The following SKI variants were observed in gnomAD, a reference collection of about 807,000 sequenced individuals.
SKI encodes ski oncogene.
A neutral mutation model predicts 59.3 loss-of-function variants in SKI; 23 were observed. The observed-to-expected ratio is 0.39, with a 90% CI of 0.28 to 0.55. The LOEUF (loss-of-function observed/expected upper bound fraction) is 0.55, where lower values mean the gene tolerates loss of function less well. Ranked by LOEUF, SKI falls within the 20% of genes least tolerant of loss-of-function variation. The pLI is 0.67. For missense variants in SKI, 1,017 were observed against 1,038.9 expected (o/e 0.98, Z 0.29); for synonymous variants, 673 against 488.6 (o/e 1.38, Z -4.98).
intron 1 of SKI, among the ~76,000 whole-genome samples, chr1:2,279,401 T>C (rs1639821381): frequency 6.6e-6 from 1 of 152,192 alleles, no homozygotes; most frequent in South Asian, 2.1e-4. Context: ...GGCCCTGCTC[T>C]CCAAGTCTTG....
intron 1 of SKI, among the ~76,000 whole-genome samples, chr1:2,248,858 A>G (rs149396760): frequency 0.013 from 2,002 of 152,154 alleles, 36 homozygotes; most frequent in African/African-American, 0.046. Context: ...CTACCTTCCT[A>G]CTCTGAGTGT....
chr1:2,267,608 C>T lies in SKI; in HGVS notation c.970-35370C>T, dbSNP rs1459691956. On this transcript the variant is annotated intron_variant, in intron 1 of 6. Coordinates refer to ENST00000378536, the MANE Select transcript of SKI (RefSeq NM_003036.4). The surrounding 1 kb of genome is among the most constrained non-coding windows in gnomAD (Gnocchi z 4.1). The stretch of plus-strand genomic sequence containing the variant: ...GGGGCCACGTGGTCAGCACTGCACT[C>T]TGCTCTCATCGGAAGCTGGGCAGTG... Among the ~76,000 whole-genome samples the T allele has an allele frequency of 3.3e-5, 5 of 152,176 alleles. No individual in the cohort carries two copies. Among genetic ancestry groups the T allele is most frequent in the African/African-American group, 1.2e-4 (5 of 41,438 alleles).
intron 1 of SKI, chr1:2,240,745 C>T: frequency 1.0e-6 from 1 of 985,408 alleles, no homozygotes; most frequent in Non-Finnish European, 1.2e-6. Flanking sequence ...ACGGACTTCA[C>T]CCTTGGTGGG....
chr1:2,295,052 G>C (rs1640251786), intron 1 of SKI, among the ~76,000 whole-genome samples: 1 of 152,360 alleles, frequency 6.6e-6, no homozygotes, highest in East Asian at 1.9e-4. Context: ...GTTCTTGATG[G>C]GCTTTAGAAG....
At chr1:2,258,420 G>A (rs114916267) in intron 1 of SKI, among the ~76,000 whole-genome samples, 3 of 152,146 alleles carry the variant, frequency 2.0e-5, no homozygotes, top group African/African-American at 2.4e-5. Context: ...CAGCAGAGGC[G>A]TTTGAGAATT....
chr1:2,254,403 G>A (rs995455694), intron 1 of SKI, among the ~76,000 whole-genome samples: 13 of 152,198 alleles, frequency 8.5e-5, no homozygotes, highest in Admixed American at 3.3e-4. Context: ...ACATGTCCCC[G>A]TCCCAAACAG....
Position 2,229,207 on chromosome 1 carries a change from C to A in SKI, c.441C>A (p.His147Gln). 2 of 1,610,052 alleles carry A rather than the reference C, an allele frequency of 1.2e-6. No homozygotes were observed. The highest frequency in any genetic ancestry group is 1.7e-6 in the Non-Finnish European group (2 of 1,178,736). ...TCAACGCGGTGTGCGACGAGCTCCACATCTACTGCTCGCGCTGCACGGCCG... is the reference window on the plus strand; with the variant it reads ...TCAACGCGGTGTGCGACGAGCTCCAAATCTACTGCTCGCGCTGCACGGCCG... ...QQINAVCDEL[H>Q]IYCSRCTADQ... is the part of the protein sequence containing the mutation. The change falls in exon 1 of 7, where the codon CAC becomes CAA. Residue 147 changes from histidine to glutamine, a missense_variant. Physicochemically the swap from His to Gln is conservative, Grantham distance 24. Coordinates refer to ENST00000378536, the MANE Select transcript of SKI (RefSeq NM_003036.4). This position sits in a 1 kb window ranked among gnomAD's most constrained non-coding sequence, Gnocchi z 6.3.
intron 1 of SKI, among the ~76,000 whole-genome samples, chr1:2,294,904 C>T (rs907511011): frequency 7.2e-5 from 11 of 152,214 alleles, no homozygotes; most frequent in Admixed American, 2.6e-4. Flanking sequence ...TTGGAGGCCA[C>T]GCCCACCCAG....
rs554981804 is a variant in SKI, at chr1:2,239,531, G to A, written c.969+9796G>A. ...GTAGCCGTTGGCGGCACCTTTGTACGGGGACACACCCTGGACCTGAATGGA... is the reference window on the plus strand; with the variant it reads ...GTAGCCGTTGGCGGCACCTTTGTACAGGGACACACCCTGGACCTGAATGGA... On this transcript the variant is annotated intron_variant, in intron 1 of 6. Coordinates refer to ENST00000378536, the MANE Select transcript of SKI (RefSeq NM_003036.4). 1.3e-3 allele frequency among the ~76,000 whole-genome samples: 193 copies of A among 152,318 alleles called. 2 individuals carry two copies. The highest frequency in any genetic ancestry group is 4.5e-3 in the African/African-American group (189 of 41,564).
rs1639593935 is a variant in SKI at position 2,270,547 on chromosome 1, G to A, written c.970-32431G>A. Among the ~76,000 whole-genome samples, 1 of 152,222 alleles carries A rather than the reference G, an allele frequency of 6.6e-6. No individual in the cohort carries two copies. Among genetic ancestry groups the A allele is most frequent in the South Asian group, 2.1e-4 (1 of 4,836 alleles). On this transcript the variant is annotated intron_variant, in intron 1 of 6. Coordinates refer to ENST00000378536, the MANE Select transcript of SKI (RefSeq NM_003036.4). This position sits in a 1 kb window ranked among gnomAD's most constrained non-coding sequence, Gnocchi z 4.1. Reference sequence around the variant, plus strand: ...GATTGTAAAACGGGCAGTGTGCAGTGTTGAGGGGGCGCTGGGGAAACAAGC... The same window carrying A: ...GATTGTAAAACGGGCAGTGTGCAGTATTGAGGGGGCGCTGGGGAAACAAGC...
intron 1 of SKI, among the ~76,000 whole-genome samples, chr1:2,259,386 T>C (rs1240996787): frequency 1.3e-5 from 2 of 152,206 alleles, no homozygotes; most frequent in African/African-American, 2.4e-5. Flanking sequence ...CTCTTTAGGA[T>C]GGAAAAGGGC....
intron 1 of SKI, among the ~76,000 whole-genome samples, chr1:2,271,062 T>C (rs938965509): frequency 2.6e-5 from 4 of 152,132 alleles, no homozygotes; most frequent in Admixed American, 6.5e-5. Flanking sequence ...CTGTGGGGGT[T>C]GGAGGGATGC....
intron 1 of SKI, among the ~76,000 whole-genome samples, chr1:2,295,394 G>A (rs774610251): frequency 6.6e-5 from 10 of 152,214 alleles, no homozygotes; most frequent in Non-Finnish European, 1.2e-4. Context: ...AATTAAGACT[G>A]TATTCAGATA....
chr1:2,303,639 T>C lies in SKI; in HGVS notation c.1212-201T>C, dbSNP rs1274344062. The C allele has an allele frequency of 1.3e-6, 1 of 751,032 alleles. No individual in the cohort carries two copies. Among genetic ancestry groups the C allele is most frequent in the Non-Finnish European group, 2.2e-6 (1 of 461,810 alleles). The allele number at this position is 751,032 out of a possible 1,614,324, so 46.5% of individuals were successfully genotyped here. ...CTGCTGGGCGCAGCTTCTTGATGTG[T>C]TGGCCTGTGTCTGGCCTTCGCAAGA... On this transcript the variant is annotated intron_variant, in intron 3 of 6. Transcript: ENST00000378536. The surrounding 1 kb of genome is among the most constrained non-coding windows in gnomAD (Gnocchi z 5.6).
chr1:2,290,918 CTTTCTGCAGCG>C (rs1407608123), intron 1 of SKI, among the ~76,000 whole-genome samples: 1 of 152,264 alleles, frequency 6.6e-6, no homozygotes, highest in Non-Finnish European at 1.5e-5. Context: ...GCATTTTTCT[CTTTCTGCAGCG>C]TTTCCTCTCA....
chr1:2,297,953 G>A (rs1358332202), intron 1 of SKI, among the ~76,000 whole-genome samples: 1 of 152,236 alleles, frequency 6.6e-6, no homozygotes, highest in Non-Finnish European at 1.5e-5. Flanking sequence ...GGGCTGTGCT[G>A]TGTGGCAGGC....
At chr1:2,273,164 G>A (rs988282236) in intron 1 of SKI, among the ~76,000 whole-genome samples, 1 of 152,316 alleles carries the variant, frequency 6.6e-6, no homozygotes, top group East Asian at 1.9e-4. Context: ...GACCCACCTG[G>A]GGGTGTCTGG....
rs752582045 is a variant in SKI, at chr1:2,267,764, T to G, written c.970-35214T>G. On this transcript the variant is annotated intron_variant, in intron 1 of 6. Coordinates refer to ENST00000378536, the MANE Select transcript of SKI (RefSeq NM_003036.4). This position sits in a 1 kb window ranked among gnomAD's most constrained non-coding sequence, Gnocchi z 4.1. ...TGTGTGAGGCTGATGCATGGGCCTT[T>G]CTACTTCCAGACTGTCCCAGGACAC... Among the ~76,000 whole-genome samples the G allele has an allele frequency of 2.6e-5, 4 of 152,168 alleles. No homozygotes were observed. The highest frequency in any genetic ancestry group is 5.9e-5 in the Non-Finnish European group (4 of 68,016).
At chr1:2,238,841 T>G (rs552671596) in intron 1 of SKI, among the ~76,000 whole-genome samples, 1 of 152,334 alleles carries the variant, frequency 6.6e-6, no homozygotes, top group East Asian at 1.9e-4. Context: ...TCCGTGTGCT[T>G]GCACTGAAGC....
Sources: gnomAD v4.1 joint callset for allele counts (sites outside exome capture counted in the v4.1 genomes callset) on GRCh38, gnomAD v4.1.1 for gene constraint, Gnocchi (gnomAD v3.1) non-coding constraint, MANE v1.5 for transcripts, NCBI Gene and HGNC (gene_info 2026-07-23, HGNC 2026-07-21) for gene names.